Variants in MGLL observed in about 807,000 individuals in gnomAD.
The protein encoded by MGLL is lysophospholipase homolog.
A neutral mutation model predicts 29.1 loss-of-function variants in MGLL; 7 were observed. That is an observed-to-expected ratio of 0.24 (90% confidence interval 0.14 to 0.45). MGLL has a LOEUF of 0.45. Ranked by LOEUF, MGLL falls within the 20% of genes least tolerant of loss-of-function variation. The pLI is 0.99. For missense variants in MGLL, 356 were observed against 413.6 expected (o/e 0.86, Z 1.21); for synonymous variants, 148 against 168.3 (o/e 0.88, Z 0.93).
At chr3:127,779,527 C>T (rs559592198) in intron 3 of MGLL, among the ~76,000 whole-genome samples, 8 of 150,848 alleles carry the variant, frequency 5.3e-5, no homozygotes, top group Non-Finnish European at 1.0e-4. Context: ...AAAGTCTAGA[C>T]AGTTGTGGCT....
intron 2 of MGLL, among the ~76,000 whole-genome samples, chr3:127,792,292 C>T (rs942858722): frequency 1.3e-5 from 2 of 152,184 alleles, no homozygotes; most frequent in Non-Finnish European, 2.9e-5. Flanking sequence ...ATCTGAGGGA[C>T]AGGGGTTCGA....
intron 2 of MGLL, among the ~76,000 whole-genome samples, chr3:127,804,526 A>G (rs1041729804): frequency 6.6e-6 from 1 of 152,220 alleles, no homozygotes; most frequent in African/African-American, 2.4e-5. Context: ...CCCACAGGTC[A>G]AACTATAATA....
chr3:127,730,882 T>A (rs575461556), intron 3 of MGLL, among the ~76,000 whole-genome samples: 3 of 152,150 alleles, frequency 2.0e-5, no homozygotes, highest in Non-Finnish European at 4.4e-5. Context: ...GGGGAGGGAA[T>A]GCACCGTGCA....
chr3:127,770,453 G>A (rs1205799687), intron 3 of MGLL, among the ~76,000 whole-genome samples: 1 of 152,098 alleles, frequency 6.6e-6, no homozygotes, highest in Non-Finnish European at 1.5e-5. Context: ...AGGTTTCTGG[G>A]ACCCTCCCCA....
At chr3:127,764,488 G>A (rs2076822462) in intron 3 of MGLL, among the ~76,000 whole-genome samples, 1 of 152,206 alleles carries the variant, frequency 6.6e-6, no homozygotes, top group Non-Finnish European at 1.5e-5. Flanking sequence ...CCGGGCCACA[G>A]TTGTGCTCTG....
At chr3:127,723,705 C>T (rs975853655) in intron 3 of MGLL, among the ~76,000 whole-genome samples, 3 of 152,170 alleles carry the variant, frequency 2.0e-5, no homozygotes, top group Non-Finnish European at 4.4e-5. Flanking sequence ...TAACATAAAT[C>T]GTACTGTTTG....
rs543120927 is a variant in MGLL, at chr3:127,777,710, C to T, written c.262+4079G>A. On this transcript the variant is annotated intron_variant, in intron 3 of 7. Coordinates refer to ENST00000265052, the MANE Select transcript of MGLL (RefSeq NM_007283.7). ...GTCCTTGCACCTGCCTCAGACATCA[C>T]GTGCCCTGGAAGAAGACAAAACTTC... Among the ~76,000 whole-genome samples the T allele has an allele frequency of 1.4e-4, 18 of 130,284 alleles. No homozygotes were observed. The South Asian group carries it at 4.0e-3, about 29-fold the overall frequency. The allele number at this position is 130,284 out of a possible 152,430, so 85.5% of individuals were successfully genotyped here.
chr3:127,721,229 A>C (rs2075915068), intron 4 of MGLL, 66 bp from the exon 5 acceptor site: 10 of 1,394,946 alleles, frequency 7.2e-6, no homozygotes, highest in Non-Finnish European at 1.0e-5. Context: ...TCTAATAAAC[A>C]TGACCAATGC....
chr3:127,722,767 G>A (rs1366986353), intron 3 of MGLL, among the ~76,000 whole-genome samples: 1 of 152,184 alleles, frequency 6.6e-6, no homozygotes, highest in Non-Finnish European at 1.5e-5. Context: ...CAGAGTGGTT[G>A]AGGAATGTGC....
At chr3:127,818,106 G>A (rs965523494) in intron 2 of MGLL, among the ~76,000 whole-genome samples, 10 of 152,298 alleles carry the variant, frequency 6.6e-5, no homozygotes, top group South Asian at 2.1e-4. Flanking sequence ...GGCTACAGGC[G>A]TCTGCCACCA....
intron 6 of MGLL, among the ~76,000 whole-genome samples, chr3:127,708,377 C>T (rs2075643840): frequency 6.6e-6 from 1 of 152,164 alleles, no homozygotes; most frequent in Non-Finnish European, 1.5e-5. Context: ...TAACTGATGA[C>T]CTGGGCAGCC....
chr3:127,789,735 G>A (rs2077270535), intron 2 of MGLL, among the ~76,000 whole-genome samples: 1 of 151,512 alleles, frequency 6.6e-6, no homozygotes, highest in Non-Finnish European at 1.5e-5. Flanking sequence ...GAAAGGAAAG[G>A]AAAGAAGGAA....
chr3:127,781,700 G>T, intron 3 of MGLL, 89 bp downstream of exon 3: 1 of 1,164,930 alleles, frequency 8.6e-7, no homozygotes, highest in Non-Finnish European at 1.3e-6. Flanking sequence ...GAAGAATTGA[G>T]AAGGATGCTG....
chr3:127,775,348 T>G (rs896288241), intron 3 of MGLL, among the ~76,000 whole-genome samples: 1 of 152,192 alleles, frequency 6.6e-6, no homozygotes, highest in African/African-American at 2.4e-5. Context: ...CAAAAATATA[T>G]TACTTACAAG....
intron 7 of MGLL, 44 bp downstream of exon 7, chr3:127,694,931 C>CT (rs2075327453): frequency 3.1e-6 from 5 of 1,590,126 alleles, no homozygotes; most frequent in Non-Finnish European, 4.3e-6. Flanking sequence ...CCTTCCTGTC[C>CT]CCCCTCCACC....
chr3:127,721,201 T>A, intron 4 of MGLL, 38 bp from the exon 5 acceptor site: 2 of 1,530,832 alleles, frequency 1.3e-6, no homozygotes, highest in Non-Finnish European at 1.8e-6. Context: ...GTGTTCGGCT[T>A]GCACCAGTGC....
chr3:127,732,519 C>T (rs1339157644), intron 3 of MGLL, among the ~76,000 whole-genome samples: 2 of 152,008 alleles, frequency 1.3e-5, no homozygotes, highest in African/African-American at 2.4e-5. Flanking sequence ...GCCTTCTTAA[C>T]AAGATAAAGA....
At chr3:127,716,774 G>T (rs1304900691) in intron 5 of MGLL, among the ~76,000 whole-genome samples, 1 of 152,202 alleles carries the variant, frequency 6.6e-6, no homozygotes, top group African/African-American at 2.4e-5. Flanking sequence ...TGCGCAGGAG[G>T]CTAGGACTCC....
intron 3 of MGLL, among the ~76,000 whole-genome samples, chr3:127,747,899 A>AGG (rs1258411023): frequency 6.6e-6 from 1 of 152,148 alleles, no homozygotes; most frequent in East Asian, 1.9e-4. Flanking sequence ...ATCCTAGGGA[A>AGG]GGGGGGTCCT....
Sources: allele counts gnomAD v4.1 joint callset (sites outside exome capture counted in the v4.1 genomes callset), GRCh38; gene constraint gnomAD v4.1.1; transcripts MANE v1.5; gene names NCBI Gene and HGNC (gene_info 2026-07-23, HGNC 2026-07-21).